The following SKI variants were observed in gnomAD, a reference collection of about 807,000 sequenced individuals.
The protein encoded by SKI is SKI proto-oncogene.
In SKI, 23 loss-of-function variants were observed where a neutral mutation model predicts 59.3. That is an observed-to-expected ratio of 0.39 (90% CI 0.28 to 0.55). The LOEUF (loss-of-function observed/expected upper bound fraction) is 0.55, where lower values mean the gene tolerates loss of function less well. Ranked by LOEUF, SKI falls within the 20% of genes least tolerant of loss-of-function variation. SKI has a pLI of 0.67. For synonymous variants in SKI, 673 were observed against 488.6 expected (o/e 1.38, Z -4.98); for missense variants, 1,017 against 1,038.9 (o/e 0.98, Z 0.29).
intron 1 of SKI, among the ~76,000 whole-genome samples, chr1:2,258,005 TG>T (rs1487630525): frequency 6.6e-6 from 1 of 152,252 alleles, no homozygotes; most frequent in Non-Finnish European, 1.5e-5. Context: ...CCCAAAGTGC[TG>T]GGATTACAGG....
intron 1 of SKI, among the ~76,000 whole-genome samples, chr1:2,246,874 C>T (rs796107253): frequency 6.6e-6 from 1 of 152,120 alleles, no homozygotes; most frequent in African/African-American, 2.4e-5. Context: ...TCAGGAACCT[C>T]CACCTCGCCC....
At chr1:2,284,615 A>G (rs1639992266) in intron 1 of SKI, among the ~76,000 whole-genome samples, 1 of 152,124 alleles carries the variant, frequency 6.6e-6, no homozygotes, top group African/African-American at 2.4e-5. Context: ...ACCGGCCCAG[A>G]GGGCCCGCTG....
At chr1:2,301,640 G>A (rs527298537) in intron 1 of SKI, among the ~76,000 whole-genome samples, 3 of 152,252 alleles carry the variant, frequency 2.0e-5, no homozygotes, top group East Asian at 1.9e-4. Flanking sequence ...GGGAAGCAGG[G>A]TCCCTGCTGC....
chr1:2,276,506 C>T (rs978307121), intron 1 of SKI, among the ~76,000 whole-genome samples: 1 of 152,262 alleles, frequency 6.6e-6, no homozygotes, highest in Non-Finnish European at 1.5e-5. Context: ...GTAGGGCCCC[C>T]TGTCTGTGCC....
chr1:2,258,690 G>C (rs187829834), intron 1 of SKI, among the ~76,000 whole-genome samples: 1 of 152,184 alleles, frequency 6.6e-6, no homozygotes, highest in African/African-American at 2.4e-5. Flanking sequence ...GAGTAGCTGG[G>C]ATTATAGGCG....
rs1194712767 is a variant in SKI, at chr1:2,228,482, G to T, written c.-285G>T. On this transcript the variant is annotated 5_prime_UTR_variant, in exon 1 of 7. Coordinates refer to ENST00000378536, the MANE Select transcript of SKI (RefSeq NM_003036.4). ...CGCGCCTAGAGCCCGGGGGGCGCGC[G>T]GGGGACGCGCGGGGGGCCCGGGCGG... 7.0e-6 allele frequency among the ~76,000 whole-genome samples: 1 copy of T among 143,024 alleles called. No homozygotes were observed. The highest frequency in any genetic ancestry group is 1.5e-5 in the Non-Finnish European group (1 of 64,570). The allele number at this position is 143,024 out of a possible 152,430, so 93.8% of individuals were successfully genotyped here. A position where few individuals can be genotyped will look rare whatever the true frequency, so the allele number is the denominator to read the frequency against.
At chr1:2,293,427 GC>G (rs145326512) in intron 1 of SKI, among the ~76,000 whole-genome samples, 62 of 142,792 alleles carry the variant, frequency 4.3e-4, no homozygotes, top group Middle Eastern at 7.4e-3. Flanking sequence ...CCAGGGCGAG[GC>G]CCCCCCCCAA....
At chr1:2,272,430 G>C (rs1174962228) in intron 1 of SKI, among the ~76,000 whole-genome samples, 2 of 152,210 alleles carry the variant, frequency 1.3e-5, no homozygotes, top group Admixed American at 1.3e-4. Context: ...CCGCTGGGGG[G>C]TTGGGGAGAC....
Position 2,270,874 on chromosome 1 carries a change from C to T in SKI, c.970-32104C>T, listed in dbSNP as rs981951959. 6.6e-6 allele frequency among the ~76,000 whole-genome samples: 1 copy of T among 152,214 alleles called. No individual in the cohort carries two copies. The highest frequency in any genetic ancestry group is 1.5e-5 in the Non-Finnish European group (1 of 68,038). ...GTTCACATTTGTCCCTCTCCTGCCC[C>T]AGGGCACCTGGCCCTGTCCCGGGCC... On this transcript the variant is annotated intron_variant, in intron 1 of 6. Transcript: ENST00000378536. This position sits in a 1 kb window ranked among gnomAD's most constrained non-coding sequence, Gnocchi z 4.1.
intron 1 of SKI, among the ~76,000 whole-genome samples, chr1:2,277,592 C>G (rs1639771046): frequency 6.6e-6 from 1 of 152,218 alleles, no homozygotes; most frequent in Non-Finnish European, 1.5e-5. Flanking sequence ...TTTTTGTTCC[C>G]AGTTTCGGGT....
intron 1 of SKI, among the ~76,000 whole-genome samples, chr1:2,257,724 ATATTTATTTATTTACT>A (rs1465847172): frequency 6.6e-6 from 1 of 151,912 alleles, no homozygotes; most frequent in Non-Finnish European, 1.5e-5. Flanking sequence ...TATATTTTAT[ATATTTATTTATTTACT>A]TATTTATTTA....
At chr1:2,259,076 G>A (rs536948782) in intron 1 of SKI, among the ~76,000 whole-genome samples, 8 of 152,326 alleles carry the variant, frequency 5.3e-5, no homozygotes, top group African/African-American at 1.4e-4. Context: ...TCCCAGGTCC[G>A]AGGTAGGGAC....
At position 2,229,276 on chromosome 1, in the gene SKI, G is replaced by C; in HGVS notation, c.510G>C (p.Ser170=). The part of the protein sequence containing the change: ...ILKVMGILPF[S]APSCGLITKT... ...AAGTCATGGGCATCCTGCCCTTCTC[G>C]GCGCCCTCGTGCGGGCTCATCACCA... The change falls in exon 1 of 7, where the codon TCG becomes TCC. Residue 170 remains serine (S), a synonymous_variant. Transcript: ENST00000378536. This position sits in a 1 kb window ranked among gnomAD's most constrained non-coding sequence, Gnocchi z 6.3. 1 of 1,597,090 alleles carries C rather than the reference G, an allele frequency of 6.3e-7. No homozygotes were observed. The highest frequency in any genetic ancestry group is 1.1e-5 in the South Asian group (1 of 89,178).
In SKI at chr1:2,309,507, T is replaced by G. The variant is rs1365849509; in HGVS notation, c.*2742T>G. 4 of 152,144 alleles carry G rather than the reference T, an allele frequency of 2.6e-5. No homozygotes were observed. The highest frequency in any genetic ancestry group is 2.6e-4 in the Admixed American group (4 of 15,284). 9.4% of individuals were successfully genotyped at this position (152,144 alleles called of 1,614,324 possible). ...ATTATACATGTATATGCTGGGTCCT[T>G]TTTCAGAAACTCTTTTCTTACCTGA... is the stretch of plus-strand genomic sequence containing the variant. On this transcript the variant is annotated 3_prime_UTR_variant, in exon 7 of 7. Coordinates refer to ENST00000378536, the MANE Select transcript of SKI (RefSeq NM_003036.4).
intron 1 of SKI, among the ~76,000 whole-genome samples, chr1:2,243,823 C>T (rs1330177238): frequency 6.6e-6 from 1 of 152,160 alleles, no homozygotes; most frequent in East Asian, 1.9e-4. Context: ...CAATACACAT[C>T]TCTATAGATT....
chr1:2,286,290 C>T (rs1298172932), intron 1 of SKI, among the ~76,000 whole-genome samples: 2 of 152,044 alleles, frequency 1.3e-5, no homozygotes, highest in African/African-American at 4.8e-5. Context: ...TCACTTGAGC[C>T]CAGGAGACCA....
chr1:2,260,846 G>T (rs868403466), intron 1 of SKI, among the ~76,000 whole-genome samples: 5 of 152,122 alleles, frequency 3.3e-5, no homozygotes, highest in African/African-American at 4.8e-5. Flanking sequence ...GCCTCAGTTT[G>T]TTCTTTTGGT....
intron 1 of SKI, among the ~76,000 whole-genome samples, chr1:2,233,712 C>T (rs571506463): frequency 2.0e-4 from 31 of 152,202 alleles, no homozygotes; most frequent in African/African-American, 6.5e-4. Flanking sequence ...CTTTGAGTCT[C>T]GAGGTCTGTT....
intron 1 of SKI, among the ~76,000 whole-genome samples, chr1:2,255,073 G>A (rs1243606519): frequency 1.3e-5 from 2 of 152,068 alleles, no homozygotes; most frequent in Admixed American, 6.5e-5. Flanking sequence ...CCTACCATGC[G>A]GCCTTTCTTT....
Sources: gnomAD v4.1 joint callset for allele counts (sites outside exome capture counted in the v4.1 genomes callset) on GRCh38, gnomAD v4.1.1 for gene constraint, Gnocchi (gnomAD v3.1) non-coding constraint, MANE v1.5 for transcripts, NCBI Gene and HGNC (gene_info 2026-07-23, HGNC 2026-07-21) for gene names.